ANGPTL3: variants seen among roughly 807,000 people sequenced by gnomAD.
ANGPTL3 encodes the protein angiopoietin like 3.
Under a neutral mutation model 52.7 loss-of-function variants are expected in ANGPTL3, and 51 were observed. The observed-to-expected ratio is 0.97, with a 90% CI of 0.77 to 1.22. The LOEUF is 1.22. ANGPTL3 is among the 50% of genes most tolerant of loss of function. The probability of loss-of-function intolerance (pLI) is 0.00; values close to 1 mark genes in which losing one functional copy is unlikely to be tolerated. For synonymous variants in ANGPTL3, 185 were observed against 179.8 expected, an observed-to-expected ratio of 1.03 and a Z score of -0.23; for missense variants, 506 against 520.7, an observed-to-expected ratio of 0.97 and a Z score of 0.27.
At chr1:62,602,860 A>G (rs1047523332) in intron 5 of ANGPTL3, among the ~76,000 whole-genome samples, 1 of 151,668 alleles carries the variant, frequency 6.6e-6, no homozygotes, top group Non-Finnish European at 1.5e-5. Flanking sequence ...TATAGAATGT[A>G]TGGCTTATAA....
In ANGPTL3 at chr1:62,597,743, CTT is replaced by C; in HGVS notation, c.179_180del (p.Phe60CysfsTer3). 6.2e-7 allele frequency: 1 copy of C among 1,613,560 alleles called. No homozygotes were observed. Among genetic ancestry groups the C allele is most frequent in the South Asian group, 1.1e-5 (1 of 91,058 alleles). On this transcript the variant is annotated frameshift_variant, in exon 1 of 7. Transcript: ENST00000371129. LOFTEE classifies it high-confidence loss of function. ...LLQLGHGLKD[F>X]VHKTKGQIND... ...TTCAGTTGGGACATGGTCTTAAAGA[CTT>C]TGTCCATAAGACGAAGGGCCAAATT...
chr1:62,604,147 CA>C lies in ANGPTL3; in HGVS notation c.1112del (p.Asn371MetfsTer43). 1 of 1,613,282 alleles carries C rather than the reference CA, an allele frequency of 6.2e-7. No individual in the cohort carries two copies. The highest frequency in any genetic ancestry group is 1.1e-5 in the South Asian group (1 of 91,050). ...HLVAITGNVP[N>X]AIPENKDLVF... ...TAGTTGCGATTACTGGCAATGTCCC[CA>C]ATGCAATCCCGGAAAACAAAGATTT... On this transcript the variant is annotated frameshift_variant, in exon 6 of 7. Transcript: ENST00000371129. LOFTEE classifies it high-confidence loss of function.
chr1:62,604,363 A>G, intron 6 of ANGPTL3, 128 bp downstream of exon 6: 1 of 1,169,960 alleles, frequency 8.5e-7, no homozygotes, highest in Non-Finnish European at 1.2e-6. Flanking sequence ...CTCTAGACGA[A>G]AACCTCTTAA....
intron 1 of ANGPTL3, 41 bp downstream of exon 1, chr1:62,598,102 T>G: frequency 5.3e-6 from 8 of 1,503,106 alleles, no homozygotes; most frequent in Non-Finnish European, 7.1e-6. Flanking sequence ...ATGTTTTCAA[T>G]GTGGATCTTT....
rs1055745547 is a variant in ANGPTL3 at position 62,605,579 on chromosome 1, A to G, written c.*762A>G. On this transcript the variant is annotated 3_prime_UTR_variant, in exon 7 of 7. Transcript: ENST00000371129. ...ATACTATGAAAACAAATAATTGTAA[A>G]GGAATCTTGTCAGATTACAGTAAGA... 1 of 152,412 alleles carries G rather than the reference A, an allele frequency of 6.6e-6. No homozygotes were observed. The highest frequency in any genetic ancestry group is 2.4e-5 in the African/African-American group (1 of 41,448). 9.4% of individuals were successfully genotyped at this position (152,412 alleles called of 1,614,324 possible). A position where few individuals can be genotyped will look rare whatever the true frequency, so the allele number is the denominator to read the frequency against.
rs1571738080 is a variant in ANGPTL3 at position 62,604,963 on chromosome 1, CA to C, written c.*147del. 1.9e-5 allele frequency: 14 copies of C among 726,664 alleles called. No homozygotes were observed. Among genetic ancestry groups the C allele is most frequent in the Middle Eastern group, 4.0e-4 (1 of 2,518 alleles). The allele number at this position is 726,664 out of a possible 1,614,324, so 45.0% of individuals were successfully genotyped here. On this transcript the variant is annotated 3_prime_UTR_variant, in exon 7 of 7. Transcript: ENST00000371129. ...AAGTCACTGTCTATTTAAGATTAAACATACAATCACATAACCTTAAAGAATA... is the reference window on the plus strand; with the variant it reads ...AAGTCACTGTCTATTTAAGATTAAACTACAATCACATAACCTTAAAGAATA...
intron 2 of ANGPTL3, 92 bp downstream of exon 2, chr1:62,598,898 A>G: frequency 1.3e-6 from 1 of 795,012 alleles, no homozygotes; most frequent in Non-Finnish European, 2.2e-6. Flanking sequence ...TAACTGGATC[A>G]TGAGTAAAAT....
Position 62,598,807 on chromosome 1 carries a change from G to C in ANGPTL3, c.606+1G>C. Reference sequence around the variant, plus strand: ...TCAAATAAAAGAAATAGAAAATCAGGTAAGTCAGTATTTTAATGGTATGTC... The same window carrying C: ...TCAAATAAAAGAAATAGAAAATCAGCTAAGTCAGTATTTTAATGGTATGTC... On this transcript the variant is annotated splice_donor_variant, in intron 2 of 6. Coordinates refer to ENST00000371129, the MANE Select transcript of ANGPTL3 (RefSeq NM_014495.4). LOFTEE classifies it high-confidence loss of function. The C allele has an allele frequency of 6.4e-7, 1 of 1,554,904 alleles. No homozygotes were observed. The highest frequency in any genetic ancestry group is 8.9e-7 in the Non-Finnish European group (1 of 1,127,120).
At position 62,601,230 on chromosome 1, in the gene ANGPTL3, T is replaced by C. The variant is rs779308748; in HGVS notation, c.721+34T>C. ...CTTTGGTGGGTTTCCTTCTTGAAGC[T>C]ATTATTATCAAATTCCCTATTCTTA... is the stretch of plus-strand genomic sequence containing the variant. On this transcript the variant is annotated intron_variant, in intron 3 of 6. Transcript: ENST00000371129. 2.2e-6 allele frequency: 3 copies of C among 1,378,120 alleles called. No homozygotes were observed. In the South Asian group the frequency reaches 3.5e-5, roughly 16 times the overall value. 85.4% of individuals were successfully genotyped at this position (1,378,120 alleles called of 1,614,324 possible).
At chr1:62,600,420 A>G (rs1022773182) in intron 2 of ANGPTL3, among the ~76,000 whole-genome samples, 1 of 151,852 alleles carries the variant, frequency 6.6e-6, no homozygotes, top group Non-Finnish European at 1.5e-5. Context: ...CATTCATGCC[A>G]GCATCAAAAA....
chr1:62,601,948 T>A (rs1052425124), intron 4 of ANGPTL3, 66 bp downstream of exon 4: 9 of 950,492 alleles, frequency 9.5e-6, no homozygotes, highest in Admixed American at 1.7e-5. Flanking sequence ...TTAGGAAGAT[T>A]AACCTGGTTA....
chr1:62,601,276 G>C, intron 3 of ANGPTL3, 80 bp downstream of exon 3: 1 of 989,040 alleles, frequency 1.0e-6, no homozygotes, highest in Non-Finnish European at 1.6e-6. Context: ...TAGACTAAAA[G>C]ATAGTTAAGA....
In ANGPTL3 at chr1:62,597,725, G is replaced by A. The variant is rs575552258; in HGVS notation, c.159G>A (p.Leu53=). The A allele has an allele frequency of 6.2e-7, 1 of 1,613,482 alleles. No individual in the cohort carries two copies. Among genetic ancestry groups the A allele is most frequent in the African/African-American group, 1.3e-5 (1 of 74,976 alleles). Residue 53 remains leucine (L), a synonymous_variant, in exon 1 of 7, where the codon TTG becomes TTA. Transcript: ENST00000371129. ...VKILANGLLQ[L]GHGLKDFVHK... ...TTTTAGCCAATGGCCTCCTTCAGTT[G>A]GGACATGGTCTTAAAGACTTTGTCC... is the stretch of plus-strand genomic sequence containing the variant.
At position 62,604,160 on chromosome 1, in the gene ANGPTL3, GA is replaced by G; in HGVS notation, c.1127del (p.Asn376ThrfsTer38). The G allele has an allele frequency of 6.2e-7, 1 of 1,613,306 alleles. No homozygotes were observed. Among genetic ancestry groups the G allele is most frequent in the Middle Eastern group, 1.7e-4 (1 of 6,060 alleles). ...ITGNVPNAIP[E>X]NKDLVFSTWD... is the part of the protein sequence containing the mutation. Reference sequence around the variant, plus strand: ...TGGCAATGTCCCCAATGCAATCCCGGAAAACAAAGATTTGGTGTTTTCTACT... The same window carrying G: ...TGGCAATGTCCCCAATGCAATCCCGGAAACAAAGATTTGGTGTTTTCTACT... On this transcript the variant is annotated frameshift_variant, in exon 6 of 7. Coordinates refer to ENST00000371129, the MANE Select transcript of ANGPTL3 (RefSeq NM_014495.4). LOFTEE classifies it high-confidence loss of function.
At position 62,602,290 on chromosome 1, in the gene ANGPTL3, C is replaced by T; in HGVS notation, c.841C>T (p.Pro281Ser). The T allele has an allele frequency of 1.2e-6, 2 of 1,606,224 alleles. No individual in the cohort carries two copies. Among genetic ancestry groups the T allele is most frequent in the South Asian group, 2.2e-5 (2 of 90,864 alleles). The change falls in exon 5 of 7, where the codon CCA (proline) becomes TCA (serine). Residue 281 changes from proline (P) to serine (S), a missense_variant. Transcript: ENST00000371129. ...ATTTCATTCATTATATTCAGGTAGTCCATGGACATTAATTCAACATCGAAT... is the reference window on the plus strand; with the variant it reads ...ATTTCATTCATTATATTCAGGTAGTTCATGGACATTAATTCAACATCGAAT... ...HVYCDVISGS[P>S]WTLIQHRIDG...
rs1286981658 is a variant in ANGPTL3 at position 62,598,122 on chromosome 1, T to A, written c.495+61T>A. On this transcript the variant is annotated intron_variant, in intron 1 of 6. Transcript: ENST00000371129. ...TTCAATGTGGATCTTTTAAAAAAAATATTTCTAAGGCATGCCATTTGAAAT... is the reference window on the plus strand; with the variant it reads ...TTCAATGTGGATCTTTTAAAAAAAAAATTTCTAAGGCATGCCATTTGAAAT... 6.2e-6 allele frequency: 9 copies of A among 1,443,114 alleles called. No individual in the cohort carries two copies. The African/African-American group carries it at 7.3e-5, about 12-fold the overall frequency. The allele number at this position is 1,443,114 out of a possible 1,614,324, so 89.4% of individuals were successfully genotyped here. A position where few individuals can be genotyped will look rare whatever the true frequency, so the allele number is the denominator to read the frequency against.
chr1:62,604,296 T>C, intron 6 of ANGPTL3, 61 bp downstream of exon 6: 1 of 1,587,638 alleles, frequency 6.3e-7, no homozygotes, highest in Non-Finnish European at 8.6e-7. Context: ...CCCACATTAT[T>C]AGCTATTATC....
intron 5 of ANGPTL3, among the ~76,000 whole-genome samples, chr1:62,603,130 G>A (rs1331900954): frequency 1.3e-5 from 2 of 151,598 alleles, no homozygotes; most frequent in South Asian, 2.1e-4. Flanking sequence ...GATAAGTTTT[G>A]TAGCTCCAAA....
chr1:62,601,823 T>A lies in ANGPTL3; in HGVS notation c.776T>A (p.Met259Lys), dbSNP rs77871363. 1 of 1,610,240 alleles carries A rather than the reference T, an allele frequency of 6.2e-7. No homozygotes were observed. Among genetic ancestry groups the A allele is most frequent in the African/African-American group, 1.3e-5 (1 of 74,738 alleles). ...AACAGAGGTGAACATACAAGTGGCATGTATGCCATCAGACCCAGCAACTCT... is the reference window on the plus strand; with the variant it reads ...AACAGAGGTGAACATACAAGTGGCAAGTATGCCATCAGACCCAGCAACTCT... ...IYNRGEHTSG[M>K]YAIRPSNSQV... The change falls in exon 4 of 7, where the codon ATG (methionine) becomes AAG (lysine). Residue 259 changes from methionine (M) to lysine (K), a missense_variant. By Grantham distance (95) the Met-to-Lys change is moderately conservative. Transcript: ENST00000371129.
Sources: gnomAD v4.1 joint callset for allele counts (sites outside exome capture counted in the v4.1 genomes callset) on GRCh38, gnomAD v4.1.1 for gene constraint, MANE v1.5 for transcripts, NCBI Gene and HGNC (gene_info 2026-07-23, HGNC 2026-07-21) for gene names.